The following RYR1 variants were observed in gnomAD, a reference collection of about 807,000 sequenced individuals.
The protein encoded by RYR1 is ryanodine receptor 1.
A neutral mutation model predicts 583.5 loss-of-function variants in RYR1; 342 were observed. The observed-to-expected ratio is 0.59, with a 90% CI of 0.54 to 0.64. RYR1 has a LOEUF of 0.64. RYR1 is among the 30% of genes least tolerant of loss of function. RYR1 has a pLI of 0.00. For synonymous variants in RYR1, 2,791 were observed against 2,822.5 expected (o/e 0.99, Z 0.35); for missense variants, 6,032 against 6,917.2 (o/e 0.87, Z 4.54).
rs1416713704 is a variant in RYR1, at chr19:38,467,737, C to T, written c.3306C>T (p.Gly1102=). The change falls in exon 25 of 106, where the codon GGC becomes GGT. Residue 1102 remains glycine (G), a synonymous_variant. Transcript: ENST00000359596. ...TCACCACAGGCGAGATGCGCGTGGG[C>T]TGGGCGAGGCCCGAGCTGAGGCCTG... ...EAVTTGEMRV[G]WARPELRPDV... 1.4e-5 allele frequency: 23 copies of T among 1,614,126 alleles called. No homozygotes were observed. The highest frequency in any genetic ancestry group is 2.2e-5 in the East Asian group (1 of 44,904).
intron 38 of RYR1, among the ~76,000 whole-genome samples, 158 bp downstream of exon 38, chr19:38,492,794 C>T (rs1041415878): frequency 2.0e-5 from 3 of 151,316 alleles, no homozygotes; most frequent in African/African-American, 4.9e-5. Context: ...TGGAAGCAGG[C>T]GTGGTGGCTC....
At position 38,489,190 on chromosome 19, in the gene RYR1, T is replaced by G; in HGVS notation, c.5561T>G (p.Phe1854Cys). Residue 1854 changes from phenylalanine to cysteine, a missense_variant, in exon 35 of 106, where the codon TTT becomes TGT. Around this residue, in one of 11 missense-constraint regions of RYR1, gnomAD observed 2,627 missense variants for 2,961.3 expected, o/e 0.89. Coordinates refer to ENST00000359596, the MANE Select transcript of RYR1 (RefSeq NM_000540.3). ...TTTGTCCTGTAGGTGATGGGCATCT[T>G]TGGCGATGAGGATGTGAAACAGATC... ...LVSTLLVMGI[F>C]GDEDVKQILK... 1 of 1,614,100 alleles carries G rather than the reference T, an allele frequency of 6.2e-7. No homozygotes were observed. The highest frequency in any genetic ancestry group is 8.5e-7 in the Non-Finnish European group (1 of 1,180,024).
chr19:38,542,933 C>T (rs537902191), intron 84 of RYR1, among the ~76,000 whole-genome samples: 21 of 152,178 alleles, frequency 1.4e-4, no homozygotes, highest in African/African-American at 3.4e-4. Context: ...CCTCTGCCTC[C>T]GGGGTTGAAG....
At position 38,443,800 on chromosome 19, in the gene RYR1, C is replaced by T; in HGVS notation, c.424+4C>T. On this transcript the variant is annotated splice_donor_region_variant and intron_variant, in intron 5 of 105. Transcript: ENST00000359596. The stretch of plus-strand genomic sequence containing the variant: ...GGACTGCAGGAGGACGCAACAGGTG[C>T]AGCAGCTGGAGGGGATGGGGGTGTG... 1 of 1,613,996 alleles carries T rather than the reference C, an allele frequency of 6.2e-7. No homozygotes were observed. Among genetic ancestry groups the T allele is most frequent in the Non-Finnish European group, 8.5e-7 (1 of 1,179,908 alleles).
chr19:38,533,935 GT>G (rs1264932843), intron 78 of RYR1, among the ~76,000 whole-genome samples: 1 of 151,746 alleles, frequency 6.6e-6, no homozygotes, highest in African/African-American at 2.4e-5. Context: ...ATAGGAAATG[GT>G]TCTAATTCTG....
At chr19:38,468,253 A>G (rs1968231397) in intron 25 of RYR1, among the ~76,000 whole-genome samples, 1 of 151,198 alleles carries the variant, frequency 6.6e-6, no homozygotes. Context: ...TATCCATCTG[A>G]CCAGCCAACC....
At chr19:38,526,933 T>G in intron 71 of RYR1, 60 bp from the exon 72 acceptor site, 9 of 1,575,136 alleles carry the variant, frequency 5.7e-6, no homozygotes, top group Non-Finnish European at 7.0e-6. Flanking sequence ...AGGAAAGGGT[T>G]GTGGGTCAGG....
chr19:38,549,519 T>G (rs1972570447), intron 89 of RYR1, among the ~76,000 whole-genome samples: 1 of 152,132 alleles, frequency 6.6e-6, no homozygotes, highest in Non-Finnish European at 1.5e-5. Flanking sequence ...AGATGTTAGC[T>G]GCTATTACTA....
Position 38,528,204 on chromosome 19 carries a change from A to T in RYR1, c.10825-102A>T, listed in dbSNP as rs1330012695. ...GTTTTCCTTCTGCCGTGTGAGTCTT[A>T]ACCTGAATATGGACTTCGACACAGC... On this transcript the variant is annotated intron_variant, in intron 73 of 105. Transcript: ENST00000359596. 4 of 966,912 alleles carry T rather than the reference A, an allele frequency of 4.1e-6. No individual in the cohort carries two copies. In the South Asian group the frequency reaches 5.4e-5, roughly 13 times the overall value. 59.9% of individuals were successfully genotyped at this position (966,912 alleles called of 1,614,324 possible). A position where few individuals can be genotyped will look rare whatever the true frequency, so the allele number is the denominator to read the frequency against.
chr19:38,567,819 C>T lies in RYR1; in HGVS notation c.13561C>T (p.Pro4521Ser). Residue 4521 changes from proline to serine, a missense_variant, in exon 93 of 106, where the codon CCC (proline) becomes TCC (serine). Physicochemically the swap from Pro to Ser is moderately conservative, Grantham distance 74. Transcript: ENST00000359596. ...AGAAGTTCCCGAGCCCACACCAGAG[C>T]CCCCCAAGAAGCAAGCACCTCCCTC... is the stretch of plus-strand genomic sequence containing the variant. ...KEEVPEPTPE[P>S]PKKQAPPSPP... The T allele has an allele frequency of 1.9e-6, 3 of 1,614,138 alleles. No individual in the cohort carries two copies. The highest frequency in any genetic ancestry group is 1.7e-5 in the Admixed American group (1 of 60,012).
intron 27 of RYR1, among the ~76,000 whole-genome samples, chr19:38,471,629 G>T (rs984711746): frequency 6.6e-6 from 1 of 152,014 alleles, no homozygotes; most frequent in East Asian, 1.9e-4. Context: ...GGCTGGGCTC[G>T]GTGGCTCATG....
Position 38,452,805 on chromosome 19 carries a change from C to T in RYR1, c.1245-14C>T, listed in dbSNP as rs1423726320. 6 of 1,568,566 alleles carry T rather than the reference C, an allele frequency of 3.8e-6. No homozygotes were observed. The highest frequency in any genetic ancestry group is 3.5e-5 in the South Asian group (3 of 86,412). On this transcript the variant is annotated splice_polypyrimidine_tract_variant and intron_variant, in intron 12 of 105. Coordinates refer to ENST00000359596, the MANE Select transcript of RYR1 (RefSeq NM_000540.3). Reference sequence around the variant, plus strand: ...CGCTCCCAGCCGTGGCTGACAGCTGCGAGGTCCCTGTAGGAGCCTGGACAG... The same window carrying T: ...CGCTCCCAGCCGTGGCTGACAGCTGTGAGGTCCCTGTAGGAGCCTGGACAG...
At chr19:38,575,058 C>G (rs1338403470) in intron 96 of RYR1, among the ~76,000 whole-genome samples, 1 of 145,012 alleles carries the variant, frequency 6.9e-6, no homozygotes, top group Non-Finnish European at 1.5e-5. Flanking sequence ...AAAAAAAAAA[C>G]TCGTTGGCCA....
At chr19:38,463,146 C>CCG (rs1440891338) in intron 20 of RYR1, among the ~76,000 whole-genome samples, 2 of 61,614 alleles carry the variant, frequency 3.2e-5, no homozygotes, top group African/African-American at 5.9e-5. Context: ...GATCTGCCCC[C>CCG]CCCCCCCCCA....
Position 38,543,249 on chromosome 19 carries a change from A to T in RYR1, c.11690-98A>T. On this transcript the variant is annotated intron_variant, in intron 84 of 105. Coordinates refer to ENST00000359596, the MANE Select transcript of RYR1 (RefSeq NM_000540.3). The surrounding 1 kb of genome is among the most constrained non-coding windows in gnomAD (Gnocchi z 4.4). Reference sequence around the variant, plus strand: ...ATATGCTTTCTGGCATACAATAGGAACTCAACACATGAGTATTGCATAAAT... The same window carrying T: ...ATATGCTTTCTGGCATACAATAGGATCTCAACACATGAGTATTGCATAAAT... The T allele has an allele frequency of 9.9e-7, 1 of 1,010,948 alleles. No individual in the cohort carries two copies. Among genetic ancestry groups the T allele is most frequent in the Non-Finnish European group, 1.6e-6 (1 of 630,956 alleles). 62.6% of individuals were successfully genotyped at this position (1,010,948 alleles called of 1,614,324 possible).
In RYR1 at chr19:38,463,431, G is replaced by A; in HGVS notation, c.2586G>A (p.Leu862=). Residue 862 remains leucine (L), a synonymous_variant, in exon 21 of 106, where the codon CTG becomes CTA. Transcript: ENST00000359596. Reference sequence around the variant, plus strand: ...CGTCCCTCTGCCTCTAGATTGTCCTGCCGCCCCATCTGGAGCGCATTCGGG... The same window carrying A: ...CGTCCCTCTGCCTCTAGATTGTCCTACCGCCCCATCTGGAGCGCATTCGGG... The part of the protein sequence containing the change: ...PCPVDTVQIV[L]PPHLERIREK... The A allele has an allele frequency of 6.2e-7, 1 of 1,613,836 alleles. No homozygotes were observed. The highest frequency in any genetic ancestry group is 8.5e-7 in the Non-Finnish European group (1 of 1,179,932).
rs1409090510 is a variant in RYR1 at position 38,492,708 on chromosome 19, C to T, written c.6274+72C>T. 2.7e-6 allele frequency: 4 copies of T among 1,491,446 alleles called. No individual in the cohort carries two copies. The Admixed American group carries it at 5.9e-5, about 22-fold the overall frequency. The allele number at this position is 1,491,446 out of a possible 1,614,324, so 92.4% of individuals were successfully genotyped here. On this transcript the variant is annotated intron_variant, in intron 38 of 105. Coordinates refer to ENST00000359596, the MANE Select transcript of RYR1 (RefSeq NM_000540.3). ...CCCCATGCCTGCGGAGCCTCTGGGT[C>T]CCAAAGAGGGCATGAGGACAGATGC... is the stretch of plus-strand genomic sequence containing the variant.
In RYR1 at chr19:38,528,404, G is replaced by A; in HGVS notation, c.10923G>A (p.Leu3641=). ...TGGCCTGTTTCCGTATGACGCCCCT[G>A]TACAACCTGCCCACGTAAGGCCCCC... ...AVVACFRMTP[L]YNLPTHRACN... The change falls in exon 74 of 106, where the codon CTG becomes CTA. Residue 3641 remains leucine (L), a synonymous_variant. Coordinates refer to ENST00000359596, the MANE Select transcript of RYR1 (RefSeq NM_000540.3). 3 of 1,614,144 alleles carry A rather than the reference G, an allele frequency of 1.9e-6. No homozygotes were observed. Among genetic ancestry groups the A allele is most frequent in the African/African-American group, 2.7e-5 (2 of 75,036 alleles).
At chr19:38,572,979 G>T (rs117175310) in intron 95 of RYR1, among the ~76,000 whole-genome samples, 198 bp from the exon 96 acceptor site, 4 of 143,812 alleles carry the variant, frequency 2.8e-5, no homozygotes, top group African/African-American at 7.9e-5. Flanking sequence ...CCCCATCCCT[G>T]CCCTGACCCC....
Sources: gnomAD v4.1 joint callset for allele counts (sites outside exome capture counted in the v4.1 genomes callset) on GRCh38, gnomAD v4.1.1 for gene constraint, gnomAD v4.1.1 regional missense constraint, Gnocchi (gnomAD v3.1) non-coding constraint, MANE v1.5 for transcripts, NCBI Gene and HGNC (gene_info 2026-07-23, HGNC 2026-07-21) for gene names.